Variants in CYB5RL observed in about 807,000 individuals in gnomAD.
CYB5RL encodes NADH-cytochrome b5 reductase-like.
Under a neutral mutation model 37.5 loss-of-function variants are expected in CYB5RL, and 38 were observed. The observed-to-expected ratio is 1.01, with a 90% CI of 0.78 to 1.33. The LOEUF is 1.33. CYB5RL is among the 40% of genes most tolerant of loss of function. The pLI, the probability that CYB5RL is intolerant of heterozygous loss-of-function variation, is 0.00. For missense variants in CYB5RL, 388 were observed against 394.4 expected (o/e 0.98, Z 0.14); for synonymous variants, 141 against 151.9 (o/e 0.93, Z 0.53).
Position 54,187,699 on chromosome 1 carries a change from G to T in CYB5RL, c.388C>A (p.Pro130Thr). Residue 130 changes from proline to threonine, a missense_variant, in exon 5 of 8, where the codon CCC becomes ACC. By Grantham distance (38) the Pro-to-Thr change is conservative (BLOSUM62 -1). Coordinates refer to ENST00000534324, the MANE Select transcript of CYB5RL (RefSeq NM_001031672.4). ...DDLEIQRAYT[P>T]ISPANAEGYF... ...CCTTCTGCGTTGGCAGGGCTGATGGGCGTATAGGCTCTCTGAATTTCTAAG... is the reference window on the plus strand; with the variant it reads ...CCTTCTGCGTTGGCAGGGCTGATGGTCGTATAGGCTCTCTGAATTTCTAAG... 6.2e-7 allele frequency: 1 copy of T among 1,613,980 alleles called. No homozygotes were observed. The highest frequency in any genetic ancestry group is 1.1e-5 in the South Asian group (1 of 91,086).
At position 54,170,131 on chromosome 1, in the gene CYB5RL, C is replaced by A. The variant is rs1211820848; in HGVS notation, c.*4488G>T. ...AATCTTTTTTTGGGGGGCACTGAGT[C>A]TCGCTCTGTCACCCAGGCTGGAGTG... On this transcript the variant is annotated 3_prime_UTR_variant, in exon 8 of 8. Coordinates refer to ENST00000534324, the MANE Select transcript of CYB5RL (RefSeq NM_001031672.4). The A allele has an allele frequency of 6.6e-6, 1 of 152,206 alleles. No homozygotes were observed. Among genetic ancestry groups the A allele is most frequent in the Non-Finnish European group, 1.5e-5 (1 of 68,024 alleles). The allele number at this position is 152,206 out of a possible 1,614,324, so 9.4% of individuals were successfully genotyped here.
At chr1:54,193,307 G>A (rs959809942) in intron 3 of CYB5RL, among the ~76,000 whole-genome samples, 1 of 152,194 alleles carries the variant, frequency 6.6e-6, no homozygotes, top group Non-Finnish European at 1.5e-5. Context: ...TGATATTTTG[G>A]CAAGAAGATG....
rs1659937678 is a variant in CYB5RL at position 54,173,332 on chromosome 1, T to TG, written c.*1286dup. ...CAGCTGCTCTGGTTGAAGGGGGTAC[T>TG]GGGGATCCATCTGGAGCTGTCCTTT... On this transcript the variant is annotated 3_prime_UTR_variant, in exon 8 of 8. Transcript: ENST00000534324. 6.6e-6 allele frequency: 1 copy of TG among 152,226 alleles called. No homozygotes were observed. The highest frequency in any genetic ancestry group is 2.1e-4 in the South Asian group (1 of 4,830). The allele number at this position is 152,226 out of a possible 1,614,324, so 9.4% of individuals were successfully genotyped here.
rs576086866 is a variant in CYB5RL at position 54,171,476 on chromosome 1, G to C, written c.*3143C>G. ...ACTGGGAGCTGGGAGACCCATGAGGGGAACACAGAAGTGACGTTGGTAAAC... is the reference window on the plus strand; with the variant it reads ...ACTGGGAGCTGGGAGACCCATGAGGCGAACACAGAAGTGACGTTGGTAAAC... On this transcript the variant is annotated 3_prime_UTR_variant, in exon 8 of 8. Coordinates refer to ENST00000534324, the MANE Select transcript of CYB5RL (RefSeq NM_001031672.4). 2 of 454,846 alleles carry C rather than the reference G, an allele frequency of 4.4e-6. No individual in the cohort carries two copies. Among genetic ancestry groups the C allele is most frequent in the South Asian group, 3.1e-5 (2 of 64,488 alleles). 28.2% of individuals were successfully genotyped at this position (454,846 alleles called of 1,614,324 possible). A position where few individuals can be genotyped will look rare whatever the true frequency, so the allele number is the denominator to read the frequency against.
rs1182186838 is a variant in CYB5RL at position 54,171,488 on chromosome 1, T to C, written c.*3131A>G. On this transcript the variant is annotated 3_prime_UTR_variant, in exon 8 of 8. Transcript: ENST00000534324. ...GAGACCCATGAGGGGAACACAGAAGTGACGTTGGTAAACATGGTGAGGGCT... is the reference window on the plus strand; with the variant it reads ...GAGACCCATGAGGGGAACACAGAAGCGACGTTGGTAAACATGGTGAGGGCT... 1 of 452,526 alleles carries C rather than the reference T, an allele frequency of 2.2e-6. No homozygotes were observed. Among genetic ancestry groups the C allele is most frequent in the Admixed American group, 2.4e-5 (1 of 42,510 alleles). 28.0% of individuals were successfully genotyped at this position (452,526 alleles called of 1,614,324 possible).
intron 4 of CYB5RL, chr1:54,190,532 A>G: frequency 1.5e-6 from 1 of 646,892 alleles, no homozygotes; most frequent in South Asian, 1.9e-5. Context: ...TGTGCCTTGG[A>G]TAGTAAATGC....
intron 1 of CYB5RL, among the ~76,000 whole-genome samples, chr1:54,196,848 G>A (rs1016082580): frequency 1.3e-5 from 2 of 152,174 alleles, no homozygotes; most frequent in East Asian, 1.9e-4. Flanking sequence ...GGTTGTGATG[G>A]TCCAGGTGAG....
chr1:54,184,530 T>A lies in CYB5RL; in HGVS notation c.436-265A>T, dbSNP rs866666108. The A allele has an allele frequency of 3.5e-5, 13 of 369,956 alleles. No homozygotes were observed. In the East Asian group the frequency reaches 4.0e-4, roughly 11 times the overall value. The allele number at this position is 369,956 out of a possible 1,614,324, so 22.9% of individuals were successfully genotyped here. A position where few individuals can be genotyped will look rare whatever the true frequency, so the allele number is the denominator to read the frequency against. On this transcript the variant is annotated intron_variant, in intron 5 of 7. Transcript: ENST00000534324. ...TCAGCATAGAGGTCCCAAACCCAAA[T>A]GCCCACAGGGACCATGCAGGTACCA...
chr1:54,195,652 G>A lies in CYB5RL; in HGVS notation c.-36C>T. 6.4e-7 allele frequency: 1 copy of A among 1,569,530 alleles called. No individual in the cohort carries two copies. The highest frequency in any genetic ancestry group is 8.7e-7 in the Non-Finnish European group (1 of 1,153,292). ...TGGGCAGCCTAGAAGGAACAACTGG[G>A]TGCTCTTCCAGAACAGGCCAGGCTC... On this transcript the variant is annotated 5_prime_UTR_variant, in exon 3 of 8. Coordinates refer to ENST00000534324, the MANE Select transcript of CYB5RL (RefSeq NM_001031672.4).
chr1:54,174,879 C>G, intron 7 of CYB5RL, 57 bp from the exon 8 acceptor site: 1 of 1,554,248 alleles, frequency 6.4e-7, no homozygotes, highest in Non-Finnish European at 8.7e-7. Flanking sequence ...CCTTAGTGTT[C>G]ACACAGCCAG....
chr1:54,187,535 C>T (rs926727857), intron 5 of CYB5RL, 117 bp downstream of exon 5: 2 of 963,038 alleles, frequency 2.1e-6, no homozygotes, highest in Non-Finnish European at 3.2e-6. Context: ...CCCCAATTGC[C>T]TTTGTCCATG....
intron 3 of CYB5RL, among the ~76,000 whole-genome samples, chr1:54,194,400 A>G (rs1230206440): frequency 2.0e-5 from 3 of 152,108 alleles, no homozygotes; most frequent in Admixed American, 6.5e-5. Flanking sequence ...AAGAAAAGAT[A>G]AGAAAAACAA....
At chr1:54,178,994 G>A (rs1432786671) in intron 7 of CYB5RL, among the ~76,000 whole-genome samples, 155 bp downstream of exon 7, 1 of 152,218 alleles carries the variant, frequency 6.6e-6, no homozygotes, top group Non-Finnish European at 1.5e-5. Flanking sequence ...ATGAACATGA[G>A]AACACCTGCC....
intron 3 of CYB5RL, among the ~76,000 whole-genome samples, chr1:54,191,699 G>A (rs920947873): frequency 1.3e-5 from 2 of 152,230 alleles, no homozygotes; most frequent in African/African-American, 2.4e-5. Flanking sequence ...ACCCATGGTA[G>A]TGCTGACAGT....
In CYB5RL at chr1:54,180,955, G is replaced by A. The variant is rs140446994; in HGVS notation, c.541-1603C>T. Among the ~76,000 whole-genome samples, 513 of 152,244 alleles carry A rather than the reference G, an allele frequency of 3.4e-3. 2 individuals are homozygous for A. The highest frequency in any genetic ancestry group is 0.011 in the African/African-American group (467 of 41,532). ...CGCTTGAGCCCAGGAGGTTGGGGCTGTAGTGAACCATGATCATGCCACTGC... is the reference window on the plus strand; with the variant it reads ...CGCTTGAGCCCAGGAGGTTGGGGCTATAGTGAACCATGATCATGCCACTGC... On this transcript the variant is annotated intron_variant, in intron 6 of 7. Transcript: ENST00000534324.
intron 1 of CYB5RL, among the ~76,000 whole-genome samples, 153 bp downstream of exon 1, chr1:54,199,823 T>G (rs1644059571): frequency 6.6e-6 from 1 of 152,168 alleles, no homozygotes; most frequent in South Asian, 2.1e-4. Context: ...GTGCAACAGC[T>G]TAGGCATTTC....
Position 54,171,023 on chromosome 1 carries a change from G to A in CYB5RL, c.*3596C>T, listed in dbSNP as rs911390193. 7 of 409,930 alleles carry A rather than the reference G, an allele frequency of 1.7e-5. No homozygotes were observed. The East Asian group carries it at 2.2e-4, about 13-fold the overall frequency. 25.4% of individuals were successfully genotyped at this position (409,930 alleles called of 1,614,324 possible). ...TCCCCTGTTAGGGGTACAATGGGCC[G>A]GCCCTCATGCTCACATGCAGATGAC... On this transcript the variant is annotated 3_prime_UTR_variant, in exon 8 of 8. Transcript: ENST00000534324.
chr1:54,187,741 T>C lies in CYB5RL; in HGVS notation c.348-2A>G. 6.2e-7 allele frequency: 1 copy of C among 1,613,630 alleles called. No individual in the cohort carries two copies. The highest frequency in any genetic ancestry group is 1.3e-5 in the African/African-American group (1 of 75,050). On this transcript the variant is annotated splice_acceptor_variant, in intron 4 of 7. Coordinates refer to ENST00000534324, the MANE Select transcript of CYB5RL (RefSeq NM_001031672.4). LOFTEE classifies it high-confidence loss of function. ...ATTTCTAAGTCATCTACTATCCCTC[T>C]GAGAAACAGAAGTGTGCAGTCAGTC...
chr1:54,191,422 CA>C (rs962199815), intron 3 of CYB5RL, among the ~76,000 whole-genome samples: 2 of 152,194 alleles, frequency 1.3e-5, no homozygotes, highest in African/African-American at 2.4e-5. Context: ...CTGTGTATTA[CA>C]TATGTGGAAA....
Sources: gnomAD v4.1 joint callset for allele counts (sites outside exome capture counted in the v4.1 genomes callset) on GRCh38, gnomAD v4.1.1 for gene constraint, MANE v1.5 for transcripts, NCBI Gene and HGNC (gene_info 2026-07-23, HGNC 2026-07-21) for gene names.